STON2: variants seen among roughly 807,000 people sequenced by gnomAD.
STON2 encodes stonin 2.
STON2 carries 29 observed loss-of-function variants against 65.7 expected under a neutral mutation model. That is an observed-to-expected ratio of 0.44 (90% CI 0.33 to 0.60). The LOEUF (loss-of-function observed/expected upper bound fraction) is 0.60, where lower values mean the gene tolerates loss of function less well. Ranked by LOEUF, STON2 falls within the 20% of genes least tolerant of loss-of-function variation. STON2 has a pLI of 0.03. For synonymous variants in STON2, 404 were observed against 414.2 expected (o/e 0.98, Z 0.30); for missense variants, 1,054 against 1,118.1 (o/e 0.94, Z 0.82).
At chr14:81,270,024 C>T (rs921204263) in intron 7 of STON2, 10 of 984,006 alleles carry the variant, frequency 1.0e-5, no homozygotes, top group Non-Finnish European at 1.2e-5. Flanking sequence ...CCTCCATTTC[C>T]AAGCTCACTA....
chr14:81,410,278 CAAAAAAAAAAAAAAA>C lies in STON2; in HGVS notation c.-198-11713_-198-11699del, dbSNP rs1161157573. On this transcript the variant is annotated intron_variant, in intron 2 of 8. Coordinates refer to the STON2 transcript ENST00000553821. ...GCATGCAGATGAATGTAACTCTAACCAAAAAAAAAAAAAAAAAAAAAAAAAAAAACAGAAGAGATC... is the reference window on the plus strand; with the variant it reads ...GCATGCAGATGAATGTAACTCTAACCAAAAAAAAAAAAAACAGAAGAGATC... 3.5e-4 allele frequency among the ~76,000 whole-genome samples: 16 copies of C among 45,798 alleles called. No homozygotes were observed. In the South Asian group the frequency reaches 7.4e-3, roughly 21 times the overall value. The allele number at this position is 45,798 out of a possible 152,430, so 30.0% of individuals were successfully genotyped here. A position where few individuals can be genotyped will look rare whatever the true frequency, so the allele number is the denominator to read the frequency against.
rs994506565 is a variant in STON2 at position 81,261,180 on chromosome 14, C to G, written c.*7234G>C. On this transcript the variant is annotated 3_prime_UTR_variant, in exon 8 of 8. Transcript: ENST00000614646. The stretch of plus-strand genomic sequence containing the variant: ...ACACCCAACAATTTGCTGTTGGGAC[C>G]TGACTATACATCTGCTTTCCCACAA... 1 of 152,216 alleles carries G rather than the reference C, an allele frequency of 6.6e-6. No homozygotes were observed. Among genetic ancestry groups the G allele is most frequent in the African/African-American group, 2.4e-5 (1 of 41,452 alleles). 9.4% of individuals were successfully genotyped at this position (152,216 alleles called of 1,614,324 possible).
upstream of STON2, among the ~76,000 whole-genome samples, chr14:81,400,443 G>C (rs372053601): frequency 5.5e-5 from 7 of 127,928 alleles, no homozygotes; most frequent in African/African-American, 1.8e-4. Flanking sequence ...CTCTTTCAAC[G>C]ACAGCAGCAT....
chr14:81,320,801 A>G (rs532046121), intron 5 of STON2, among the ~76,000 whole-genome samples: 64 of 152,242 alleles, frequency 4.2e-4, no homozygotes, highest in African/African-American at 1.5e-3. Context: ...ATGAAATGTG[A>G]CAGTGATCAT....
chr14:81,320,535 T>C (rs1415293042), intron 5 of STON2, among the ~76,000 whole-genome samples: 1 of 148,262 alleles, frequency 6.7e-6, no homozygotes, highest in East Asian at 2.0e-4. Flanking sequence ...TTCACTCTCA[T>C]CTCAAAAATT....
At position 81,263,998 on chromosome 14, in the gene STON2, A is replaced by G. The variant is rs1174940654; in HGVS notation, c.*4416T>C. ...AAATGCAAAGTAACGGTCAGCGGTT[A>G]GTGCTGGAAGAACAAAGACCTACTG... On this transcript the variant is annotated 3_prime_UTR_variant, in exon 8 of 8. Coordinates refer to ENST00000614646, the MANE Select transcript of STON2 (RefSeq NM_001394390.1). 2.0e-6 allele frequency: 2 copies of G among 985,330 alleles called. No homozygotes were observed. The highest frequency in any genetic ancestry group is 2.4e-6 in the Non-Finnish European group (2 of 829,936). The allele number at this position is 985,330 out of a possible 1,614,324, so 61.0% of individuals were successfully genotyped here. A position where few individuals can be genotyped will look rare whatever the true frequency, so the allele number is the denominator to read the frequency against.
At chr14:81,281,080 T>C (rs956730726) in intron 5 of STON2, among the ~76,000 whole-genome samples, 4 of 150,872 alleles carry the variant, frequency 2.7e-5, no homozygotes, top group African/African-American at 9.7e-5. Flanking sequence ...CATATACATA[T>C]ACACATATCC....
At chr14:81,311,333 C>T (rs1896418838) in intron 5 of STON2, among the ~76,000 whole-genome samples, 1 of 152,094 alleles carries the variant, frequency 6.6e-6, no homozygotes, top group Non-Finnish European at 1.5e-5. Flanking sequence ...TCTTCCTCAC[C>T]GAGGCTCCTC....
intron 1 of STON2, among the ~76,000 whole-genome samples, chr14:81,433,986 CAA>C (rs1902314701): frequency 6.6e-6 from 1 of 152,158 alleles, no homozygotes; most frequent in South Asian, 2.1e-4. Flanking sequence ...CCTGCCTGCA[CAA>C]GAGACTTGCT....
At chr14:81,342,124 GA>G (rs1566917572) in intron 4 of STON2, among the ~76,000 whole-genome samples, 1 of 151,924 alleles carries the variant, frequency 6.6e-6, no homozygotes, top group African/African-American at 2.4e-5. Flanking sequence ...TAACAACGCA[GA>G]AAGCCATAAT....
At chr14:81,330,654 C>T (rs1316694882) in intron 4 of STON2, among the ~76,000 whole-genome samples, 2 of 152,176 alleles carry the variant, frequency 1.3e-5, no homozygotes, top group East Asian at 3.9e-4. Context: ...TTTCCCCTCA[C>T]CCACACTGCA....
intron 5 of STON2, among the ~76,000 whole-genome samples, chr14:81,313,437 C>A (rs1896503421): frequency 6.6e-6 from 1 of 151,822 alleles, no homozygotes; most frequent in African/African-American, 2.4e-5. Context: ...GTGAACAAAA[C>A]AGATTGGGTG....
Position 81,264,679 on chromosome 14 carries a change from A to G in STON2, c.*3735T>C, listed in dbSNP as rs1894287493. ...AATAAAAAATATTTTAAATCAAACA[A>G]TGTTCTCAAGGATTATGAACCCTGC... is the stretch of plus-strand genomic sequence containing the variant. On this transcript the variant is annotated 3_prime_UTR_variant, in exon 8 of 8. Transcript: ENST00000614646. 3.0e-6 allele frequency: 3 copies of G among 985,150 alleles called. No homozygotes were observed. Among genetic ancestry groups the G allele is most frequent in the Admixed American group, 6.1e-5 (1 of 16,268 alleles). 61.0% of individuals were successfully genotyped at this position (985,150 alleles called of 1,614,324 possible).
chr14:81,329,777 A>AGG (rs562676725), intron 4 of STON2, among the ~76,000 whole-genome samples: 174 of 152,154 alleles, frequency 1.1e-3, no homozygotes, highest in African/African-American at 3.6e-3. Flanking sequence ...AAAGAGAGAG[A>AGG]AGGGGGTGGG....
At chr14:81,309,237 A>G (rs1896328999) in intron 5 of STON2, among the ~76,000 whole-genome samples, 1 of 152,136 alleles carries the variant, frequency 6.6e-6, no homozygotes, top group Non-Finnish European at 1.5e-5. Context: ...GCTACTTGAC[A>G]GGTAACAGTT....
At chr14:81,358,377 G>A (rs1490686447) in intron 4 of STON2, among the ~76,000 whole-genome samples, 2 of 151,808 alleles carry the variant, frequency 1.3e-5, no homozygotes. Flanking sequence ...TAAGCCTCTT[G>A]GTGATCACAA....
intron 5 of STON2, among the ~76,000 whole-genome samples, chr14:81,301,941 T>C (rs114703586): frequency 0.011 from 1,750 of 152,284 alleles, 43 homozygotes; most frequent in African/African-American, 0.04. Context: ...TAAGCCTAGA[T>C]CTTAAGCCCA....
At chr14:81,413,748 AT>A (rs1901285736) in intron 2 of STON2, among the ~76,000 whole-genome samples, 1 of 139,512 alleles carries the variant, frequency 7.2e-6, no homozygotes. Flanking sequence ...GTGGGCAGAG[AT>A]CACGCCATTG....
intron 4 of STON2, among the ~76,000 whole-genome samples, chr14:81,340,744 C>T (rs901258525): frequency 2.0e-5 from 3 of 152,038 alleles, no homozygotes; most frequent in Non-Finnish European, 4.4e-5. Flanking sequence ...CTCGCACTAA[C>T]GGTGGCTTGA....
Sources: gnomAD v4.1 joint callset for allele counts (sites outside exome capture counted in the v4.1 genomes callset) on GRCh38, gnomAD v4.1.1 for gene constraint, MANE v1.5 for transcripts, NCBI Gene and HGNC (gene_info 2026-07-23, HGNC 2026-07-21) for gene names.